Variants in MED13 observed in about 807,000 individuals in gnomAD.
MED13 encodes the protein mediator of RNA polymerase II transcription subunit 13.
Under a neutral mutation model 225.2 loss-of-function variants are expected in MED13, and 23 were observed. The observed-to-expected ratio is 0.10, with a 90% CI of 0.07 to 0.14. The LOEUF (loss-of-function observed/expected upper bound fraction) is 0.14, where lower values mean the gene tolerates loss of function less well. Ranked by LOEUF, MED13 falls within the 10% of genes least tolerant of loss-of-function variation. MED13 has a pLI of 1.00. For missense variants in MED13, 2,197 were observed against 2,594.5 expected, an observed-to-expected ratio of 0.85 and a Z score of 3.33; for synonymous variants, 942 against 889.2, an observed-to-expected ratio of 1.06 and a Z score of -1.06.
intron 12 of MED13, among the ~76,000 whole-genome samples, chr17:61,985,373 T>G (rs1267488677): frequency 1.3e-5 from 2 of 152,178 alleles, no homozygotes; most frequent in African/African-American, 4.8e-5. Context: ...TAACCTTAAC[T>G]TAAAACCCAG....
intron 16 of MED13, among the ~76,000 whole-genome samples, chr17:61,977,200 TTAGAAGGTAA>T (rs1287979399): frequency 6.6e-6 from 1 of 152,238 alleles, no homozygotes; most frequent in African/African-American, 2.4e-5. Context: ...TTTTATTATG[TTAGAAGGTAA>T]TAGTCCACAC....
At chr17:62,034,747 TATAAA>T (rs915035848) in intron 4 of MED13, among the ~76,000 whole-genome samples, 7 of 152,196 alleles carry the variant, frequency 4.6e-5, no homozygotes, top group African/African-American at 1.7e-4. Context: ...TCAGCAATCT[TATAAA>T]ATATTTCTTC....
At chr17:61,975,713 T>A (rs2080149608) in intron 16 of MED13, among the ~76,000 whole-genome samples, 1 of 151,558 alleles carries the variant, frequency 6.6e-6, no homozygotes, top group African/African-American at 2.4e-5. Context: ...AGAGTGAGAC[T>A]CTGTCTCAAA....
chr17:61,993,200 CT>C (rs964200883), intron 10 of MED13, among the ~76,000 whole-genome samples: 164 of 107,662 alleles, frequency 1.5e-3, no homozygotes, highest in Admixed American at 8.0e-3. Context: ...TTCTTTCTTT[CT>C]TTTTTTTTTT....
At chr17:62,001,216 G>C (rs2080391746) in intron 9 of MED13, among the ~76,000 whole-genome samples, 1 of 152,140 alleles carries the variant, frequency 6.6e-6, no homozygotes, top group African/African-American at 2.4e-5. Context: ...TCTACCTCAT[G>C]AACTAAATAC....
chr17:62,000,185 G>T (rs2080382175), intron 9 of MED13, among the ~76,000 whole-genome samples: 1 of 152,138 alleles, frequency 6.6e-6, no homozygotes, highest in Non-Finnish European at 1.5e-5. Context: ...ACACCAAACA[G>T]AAAATGGAGT....
intron 28 of MED13, among the ~76,000 whole-genome samples, 158 bp from the exon 29 acceptor site, chr17:61,947,175 A>C (rs2079857644): frequency 6.6e-6 from 1 of 151,976 alleles, no homozygotes; most frequent in Admixed American, 6.6e-5. Context: ...TTCTCTTTTA[A>C]CTAATTCATT....
chr17:62,062,754 G>T (rs796363813), intron 2 of MED13, among the ~76,000 whole-genome samples: 23 of 152,228 alleles, frequency 1.5e-4, no homozygotes, highest in African/African-American at 5.5e-4. Context: ...ACTTTGTTAG[G>T]AACTCTGTTT....
chr17:62,035,727 T>C, intron 3 of MED13, 119 bp from the exon 4 acceptor site: 2 of 884,674 alleles, frequency 2.3e-6, no homozygotes, highest in Non-Finnish European at 3.3e-6. Context: ...AAATTCTACT[T>C]CATCAGAAGA....
intron 2 of MED13, among the ~76,000 whole-genome samples, chr17:62,057,425 A>C (rs1345343772): frequency 6.6e-6 from 1 of 152,228 alleles, no homozygotes; most frequent in Non-Finnish European, 1.5e-5. Flanking sequence ...CAGTATGCAG[A>C]AGAAATACAG....
intron 3 of MED13, among the ~76,000 whole-genome samples, chr17:62,051,026 A>G (rs2080952324): frequency 6.6e-6 from 1 of 152,182 alleles, no homozygotes; most frequent in Admixed American, 6.5e-5. Flanking sequence ...ATAAATGTAT[A>G]TGGCAGATAT....
At chr17:62,044,455 C>T (rs535476011) in intron 3 of MED13, among the ~76,000 whole-genome samples, 27 of 152,310 alleles carry the variant, frequency 1.8e-4, no homozygotes, top group Admixed American at 1.8e-3. Context: ...AAAAATTTAT[C>T]ACTCTCTATG....
intron 5 of MED13, among the ~76,000 whole-genome samples, chr17:62,033,141 A>C (rs1297455804): frequency 6.6e-6 from 1 of 152,156 alleles, no homozygotes; most frequent in Non-Finnish European, 1.5e-5. Context: ...CAACAGAGCG[A>C]GACTCCACCT....
intron 17 of MED13, 109 bp downstream of exon 17, chr17:61,972,618 A>G: frequency 9.4e-7 from 1 of 1,064,312 alleles, no homozygotes; most frequent in Non-Finnish European, 1.3e-6. Context: ...GGCCTTAAGA[A>G]TATATCACAA....
intron 8 of MED13, among the ~76,000 whole-genome samples, chr17:62,028,073 T>C (rs777490313): frequency 6.6e-6 from 1 of 152,172 alleles, no homozygotes; most frequent in Non-Finnish European, 1.5e-5. Context: ...GGAATATAAA[T>C]CATTCTACCA....
intron 3 of MED13, among the ~76,000 whole-genome samples, chr17:62,043,040 T>C (rs1197887899): frequency 2.0e-5 from 3 of 149,342 alleles, no homozygotes; most frequent in Non-Finnish European, 4.5e-5. Context: ...TCCTAAGTCC[T>C]GAGTATTTGG....
Position 61,961,738 on chromosome 17 carries a change from T to C in MED13, c.5106A>G (p.Glu1702=). 1 of 1,614,082 alleles carries C rather than the reference T, an allele frequency of 6.2e-7. No homozygotes were observed. Among genetic ancestry groups the C allele is most frequent in the Non-Finnish European group, 8.5e-7 (1 of 1,180,000 alleles). ...CQYLLQPVKH[E]DREIYPQHLK... ...AATGCTGGGGATAGATTTCTCTATC[T>C]TCATGCTTCACAGGTTGCAACAGGT... The change falls in exon 22 of 30, where the codon GAA becomes GAG. Residue 1702 remains glutamate, a synonymous_variant. Coordinates refer to ENST00000397786, the MANE Select transcript of MED13 (RefSeq NM_005121.3).
intron 3 of MED13, 128 bp from the exon 4 acceptor site, chr17:62,035,736 G>GA (rs1423955862): frequency 4.6e-5 from 37 of 799,248 alleles, no homozygotes; most frequent in East Asian, 2.7e-4. Context: ...TTCATCAGAA[G>GA]AAAAAAAATC....
Position 61,955,825 on chromosome 17 carries a change from C to A in MED13, c.5637G>T (p.Leu1879Phe). 7.1e-7 allele frequency: 1 copy of A among 1,414,864 alleles called. No homozygotes were observed. The highest frequency in any genetic ancestry group is 9.3e-7 in the Non-Finnish European group (1 of 1,070,334). 87.6% of individuals were successfully genotyped at this position (1,414,864 alleles called of 1,614,324 possible). The part of the protein sequence containing the change: ...GHGELKDWSC[L>F]LSRRNLQSLS... ...GAGACTGCAAGTTTCGACGACTCAG[C>A]AAACAGCTCCAATCTGTGGGTATCA... is the stretch of plus-strand genomic sequence containing the variant. The change falls in exon 25 of 30, where the codon TTG (leucine) becomes TTT (phenylalanine). Residue 1879 changes from leucine (L) to phenylalanine (F), a missense_variant. Leu to Phe is a conservative substitution (Grantham distance 22). Coordinates refer to ENST00000397786, the MANE Select transcript of MED13 (RefSeq NM_005121.3).
Sources: allele counts gnomAD v4.1 joint callset (sites outside exome capture counted in the v4.1 genomes callset), GRCh38; gene constraint gnomAD v4.1.1; transcripts MANE v1.5; gene names NCBI Gene and HGNC (gene_info 2026-07-23, HGNC 2026-07-21).